FHIT: variants seen among roughly 807,000 people sequenced by gnomAD.
FHIT encodes bis(5'-adenosyl)-triphosphatase.
In FHIT, 19 loss-of-function variants were observed where a neutral mutation model predicts 17.9. The ratio of observed to expected loss-of-function variants is 1.06; its 90% CI spans 0.74 to 1.56. The LOEUF is 1.56. Ranked by LOEUF, FHIT falls within the 40% of genes most tolerant of loss-of-function variation. The probability of loss-of-function intolerance (pLI) is 0.00; values close to 1 mark genes in which losing one functional copy is unlikely to be tolerated. For missense variants in FHIT, 248 were observed against 189.2 expected, an observed-to-expected ratio of 1.31 and a Z score of -1.82; for synonymous variants, 81 against 69.7, an observed-to-expected ratio of 1.16 and a Z score of -0.81.
intron 8 of FHIT, among the ~76,000 whole-genome samples, chr3:59,848,225 T>C (rs1007066166): frequency 2.0e-5 from 3 of 152,110 alleles, no homozygotes; most frequent in Non-Finnish European, 2.9e-5. Flanking sequence ...AGAACTGAAA[T>C]TGATTGAAAT....
intron 3 of FHIT, among the ~76,000 whole-genome samples, chr3:60,929,802 G>T (rs1199821557): frequency 6.6e-6 from 1 of 152,164 alleles, no homozygotes; most frequent in African/African-American, 2.4e-5. Flanking sequence ...GCAATTTATA[G>T]ATTCAACGCC....
intron 7 of FHIT, among the ~76,000 whole-genome samples, chr3:59,929,934 T>G (rs1705884486): frequency 6.6e-6 from 1 of 151,884 alleles, no homozygotes; most frequent in Admixed American, 6.6e-5. Flanking sequence ...AGTAGTTTAT[T>G]TGGTGGATGA....
At chr3:60,887,382 C>T (rs987976041) in intron 3 of FHIT, among the ~76,000 whole-genome samples, 20 of 152,160 alleles carry the variant, frequency 1.3e-4, no homozygotes, top group African/African-American at 2.7e-4. Flanking sequence ...CGGTGCCTTA[C>T]GCCTGTAATC....
In FHIT at chr3:60,188,309, T is replaced by G. The variant is rs576354910; in HGVS notation, c.104-174157A>C. Among the ~76,000 whole-genome samples, 16 of 152,046 alleles carry G rather than the reference T, an allele frequency of 1.1e-4. No homozygotes were observed. The South Asian group carries it at 2.1e-3, about 20-fold the overall frequency. ...AACTTATGTCCCAGCTTTCTGTTAT[T>G]CCACCTCACTTTTGTACTTGGTAAA... On this transcript the variant is annotated intron_variant, in intron 5 of 9. Coordinates refer to ENST00000492590, the MANE Select transcript of FHIT (RefSeq NM_002012.4).
At chr3:61,045,607 A>G (rs1034127229) in intron 2 of FHIT, among the ~76,000 whole-genome samples, 1 of 152,214 alleles carries the variant, frequency 6.6e-6, no homozygotes, top group East Asian at 1.9e-4. Context: ...AAGGATATCC[A>G]GGAATAGAAC....
intron 4 of FHIT, among the ~76,000 whole-genome samples, chr3:60,642,563 A>T (rs2039753820): frequency 6.6e-6 from 1 of 152,338 alleles, no homozygotes; most frequent in South Asian, 2.1e-4. Context: ...CTTTTCTTCT[A>T]TATTAGAAAT....
intron 5 of FHIT, among the ~76,000 whole-genome samples, chr3:60,451,585 A>G (rs2031749731): frequency 6.6e-6 from 1 of 152,218 alleles, no homozygotes. Context: ...AATTTCATAA[A>G]GGATATTAAA....
At chr3:61,015,357 AG>A (rs1380749298) in intron 3 of FHIT, among the ~76,000 whole-genome samples, 1 of 152,106 alleles carries the variant, frequency 6.6e-6, no homozygotes, top group Non-Finnish European at 1.5e-5. Flanking sequence ...CACCACAGTG[AG>A]GGGCTGAGGG....
At chr3:59,975,143 GA>G (rs1222407975) in intron 7 of FHIT, among the ~76,000 whole-genome samples, 1 of 152,108 alleles carries the variant, frequency 6.6e-6, no homozygotes, top group Non-Finnish European at 1.5e-5. Flanking sequence ...GGATACAGGG[GA>G]TTCTCTCTGA....
chr3:60,994,969 A>G (rs902307461), intron 3 of FHIT, among the ~76,000 whole-genome samples: 1 of 152,188 alleles, frequency 6.6e-6, no homozygotes, highest in African/African-American at 2.4e-5. Context: ...TAGAAATTTT[A>G]AAAAATTTAG....
At position 60,444,454 on chromosome 3, in the gene FHIT, T is replaced by G. The variant is rs199701847; in HGVS notation, c.103+92406A>C. Among the ~76,000 whole-genome samples the G allele has an allele frequency of 5.2e-4, 79 of 152,206 alleles. 1 individual carries two copies. In the East Asian group the frequency reaches 0.013, roughly 24 times the overall value. On this transcript the variant is annotated intron_variant, in intron 5 of 9. Coordinates refer to ENST00000492590, the MANE Select transcript of FHIT (RefSeq NM_002012.4). ...GACTTGGAACCAACCCAAATGTCCA[T>G]CAATGATAGACTGGATTAAGAAAAT...
intron 4 of FHIT, among the ~76,000 whole-genome samples, chr3:60,696,644 T>G (rs1219130850): frequency 1.3e-5 from 2 of 152,170 alleles, no homozygotes; most frequent in Admixed American, 6.6e-5. Context: ...AGAGAGTCTG[T>G]GGATCAGAGG....
intron 5 of FHIT, among the ~76,000 whole-genome samples, chr3:60,348,460 A>G (rs1710909322): frequency 6.6e-6 from 1 of 152,190 alleles, no homozygotes; most frequent in Non-Finnish European, 1.5e-5. Context: ...TTTCACAAAG[A>G]AAATTAACAT....
At chr3:59,976,836 A>G (rs1708434711) in intron 7 of FHIT, among the ~76,000 whole-genome samples, 1 of 152,112 alleles carries the variant, frequency 6.6e-6, no homozygotes, top group African/African-American at 2.4e-5. Flanking sequence ...CTTATACAAC[A>G]AAGACATCCT....
chr3:60,597,181 A>C (rs1159766972), intron 4 of FHIT, among the ~76,000 whole-genome samples: 1 of 152,172 alleles, frequency 6.6e-6, no homozygotes, highest in African/African-American at 2.4e-5. Flanking sequence ...GAAAATAATT[A>C]AGTCAAACTC....
At chr3:61,215,682 A>T (rs1464876050) in intron 1 of FHIT, among the ~76,000 whole-genome samples, 1 of 152,186 alleles carries the variant, frequency 6.6e-6, no homozygotes. Context: ...AGCCCGCATC[A>T]CCAAGTCAAT....
intron 2 of FHIT, among the ~76,000 whole-genome samples, chr3:61,044,597 T>G (rs763880079): frequency 2.0e-5 from 3 of 151,914 alleles, no homozygotes; most frequent in East Asian, 1.9e-4. Context: ...AATCTAGCAA[T>G]GCAGGCCAAA....
chr3:60,532,625 C>G (rs1254256155), intron 5 of FHIT, among the ~76,000 whole-genome samples: 3 of 152,182 alleles, frequency 2.0e-5, no homozygotes, highest in Admixed American at 1.3e-4. Context: ...ACATATTCTT[C>G]TAAGCGTTGC....
chr3:60,537,222 G>A (rs1249256425), intron 4 of FHIT, among the ~76,000 whole-genome samples: 1 of 151,944 alleles, frequency 6.6e-6, no homozygotes. Flanking sequence ...CTTCCACGTG[G>A]ACAATAAAAC....
Sources: allele counts gnomAD v4.1 joint callset (sites outside exome capture counted in the v4.1 genomes callset), GRCh38; gene constraint gnomAD v4.1.1; transcripts MANE v1.5; gene names NCBI Gene and HGNC (gene_info 2026-07-23, HGNC 2026-07-21).